The following IDI1 variants were observed in gnomAD, a reference collection of about 807,000 sequenced individuals.
IDI1 encodes isopentenyl-diphosphate Delta-isomerase 1.
IDI1 carries 23 observed loss-of-function variants against 32.9 expected under a neutral mutation model. The ratio of observed to expected loss-of-function variants is 0.70; its 90% CI spans 0.50 to 0.99. The LOEUF is 0.99. IDI1 is among the 50% of genes least tolerant of loss of function. The pLI, the probability that IDI1 is intolerant of heterozygous loss-of-function variation, is 0.00. For synonymous variants in IDI1, 133 were observed against 128.2 expected (o/e 1.04, Z -0.25); for missense variants, 326 against 351.9 (o/e 0.93, Z 0.59).
chr10:1,049,463 T>C (rs974706722), upstream of IDI1: 98 of 74,402 alleles, frequency 1.3e-3, no homozygotes, highest in Middle Eastern at 8.8e-3. Flanking sequence ...GGTTGGGCAC[T>C]CCCCCCCCTC....
Position 1,041,417 on chromosome 10 carries a change from T to C in IDI1, c.625A>G (p.Ile209Val), listed in dbSNP as rs770336567. Reference sequence around the variant, plus strand: ...GTTACATTCTTCCTCACCAACAAAATGTAATCAATTTCATGTTCACCCCAG... The same window carrying C: ...GTTACATTCTTCCTCACCAACAAAACGTAATCAATTTCATGTTCACCCCAG... ...GIWGEHEIDY[I>V]LLVRKNVTLN... Residue 209 changes from isoleucine to valine, a missense_variant, in exon 5 of 5, where the codon ATT becomes GTT. By Grantham distance (29) the Ile-to-Val change is conservative. This residue lies in a region of IDI1 where 205 missense variants were observed against 273.5 expected (regional missense o/e 0.75). Coordinates refer to ENST00000381344, the MANE Select transcript of IDI1 (RefSeq NM_004508.4). The C allele has an allele frequency of 1.2e-6, 2 of 1,611,266 alleles. No homozygotes were observed. The highest frequency in any genetic ancestry group is 1.7e-6 in the Non-Finnish European group (2 of 1,177,626).
chr10:1,045,340 T>G (rs1832769519), intron 1 of IDI1, among the ~76,000 whole-genome samples: 1 of 152,256 alleles, frequency 6.6e-6, no homozygotes, highest in African/African-American at 2.4e-5. Context: ...TTATTCCCTT[T>G]TTTCTTCTCC....
rs1313110786 is a variant in IDI1 at position 1,048,995 on chromosome 10, A to C, written c.9T>G (p.Arg3=). 7 of 1,506,246 alleles carry C rather than the reference A, an allele frequency of 4.6e-6. No homozygotes were observed. Among genetic ancestry groups the C allele is most frequent in the East Asian group, 2.6e-5 (1 of 39,038 alleles). The allele number at this position is 1,506,246 out of a possible 1,614,324, so 93.3% of individuals were successfully genotyped here. ...CAATCGCTCGCGCCAGCGCCAGTCC[A>C]CGCCACATCGCCCGGCCAATTGGCG... The part of the protein sequence containing the change: MW[R]GLALARAIGC... Residue 3 remains arginine (R), a synonymous_variant, in exon 1 of 5, where the codon CGT becomes CGG. Transcript: ENST00000381344.
In IDI1 at chr10:1,041,451, A is replaced by T; in HGVS notation, c.591T>A (p.Ser197=). ...TTTCATGTTCACCCCAGATACCATC[A>T]GACTGAGCTTTGTAGTGAATTCGTG... ...YLTRIHYKAQ[S]DGIWGEHEID... Residue 197 remains serine, a synonymous_variant, in exon 5 of 5, where the codon TCT becomes TCA. Transcript: ENST00000381344. The T allele has an allele frequency of 6.2e-7, 1 of 1,609,726 alleles. No individual in the cohort carries two copies. The highest frequency in any genetic ancestry group is 8.5e-7 in the Non-Finnish European group (1 of 1,176,678).
chr10:1,049,085 T>A lies in IDI1; in HGVS notation c.-82A>T. 7.1e-7 allele frequency: 1 copy of A among 1,414,300 alleles called. No homozygotes were observed. The highest frequency in any genetic ancestry group is 9.2e-7 in the Non-Finnish European group (1 of 1,091,660). 87.6% of individuals were successfully genotyped at this position (1,414,300 alleles called of 1,614,324 possible). Reference sequence around the variant, plus strand: ...CTGGTGGTGCCACCTCCCTGGCCTGTGACAACGGCAGACGCGCGAAGCACC... The same window carrying A: ...CTGGTGGTGCCACCTCCCTGGCCTGAGACAACGGCAGACGCGCGAAGCACC... On this transcript the variant is annotated 5_prime_UTR_variant, in exon 1 of 5. Coordinates refer to ENST00000381344, the MANE Select transcript of IDI1 (RefSeq NM_004508.4).
intron 4 of IDI1, among the ~76,000 whole-genome samples, chr10:1,041,830 C>T (rs1439604954): frequency 7.1e-6 from 1 of 140,074 alleles, no homozygotes; most frequent in Non-Finnish European, 1.5e-5. Context: ...TTTTGTGAGA[C>T]GGAGTCTTGC....
upstream of IDI1, among the ~76,000 whole-genome samples, chr10:1,051,226 C>G (rs1589060347): frequency 2.6e-5 from 4 of 152,292 alleles, no homozygotes; most frequent in Admixed American, 2.6e-4. Context: ...GTTAATATCA[C>G]TAGTAATCTC....
chr10:1,053,644 T>TA (rs1833070079), upstream of IDI1, among the ~76,000 whole-genome samples: 1 of 152,268 alleles, frequency 6.6e-6, no homozygotes. Context: ...GCTTAATCAT[T>TA]AATCATTTCT....
chr10:1,048,170 T>C (rs1832857564), intron 1 of IDI1: 6 of 1,154,274 alleles, frequency 5.2e-6, no homozygotes, highest in Non-Finnish European at 7.0e-6. Context: ...TAATGACAAT[T>C]GCTCTTTCAG....
At chr10:1,048,142 TGCACCACC>T in intron 1 of IDI1, 1 of 903,048 alleles carries the variant, frequency 1.1e-6, no homozygotes, top group Non-Finnish European at 1.6e-6. Context: ...ATTAAAGGCG[TGCACCACC>T]GCCCAGCTGT....
chr10:1,041,972 C>T (rs1478441756), intron 4 of IDI1, among the ~76,000 whole-genome samples: 1 of 151,854 alleles, frequency 6.6e-6, no homozygotes, highest in Non-Finnish European at 1.5e-5. Context: ...CCATGCCCAG[C>T]TAGTTTTTGT....
In IDI1 at chr10:1,045,449, A is replaced by G. The variant is rs1260554562; in HGVS notation, c.141-1278T>C. Among the ~76,000 whole-genome samples the G allele has an allele frequency of 5.3e-5, 8 of 152,290 alleles. No homozygotes were observed. In the East Asian group the frequency reaches 1.5e-3, roughly 29 times the overall value. ...CTACTTTCTATGTGACTCTATTTCA[A>G]ATACATAGATTTTACTGAAATACTT... On this transcript the variant is annotated intron_variant, in intron 1 of 4. Transcript: ENST00000381344.
intron 1 of IDI1, chr10:1,048,261 T>C (rs1474451387): frequency 7.7e-7 from 1 of 1,304,150 alleles, no homozygotes; most frequent in East Asian, 5.5e-5. Context: ...GTTTAAAGAA[T>C]ACCATGTAGT....
At chr10:1,042,527 G>T in intron 4 of IDI1, 105 bp downstream of exon 4, 1 of 1,093,892 alleles carries the variant, frequency 9.1e-7, no homozygotes, top group Non-Finnish European at 1.4e-6. Context: ...TAACTCCGGA[G>T]GTTACCAAGC....
chr10:1,045,249 A>G (rs561043126), intron 1 of IDI1, among the ~76,000 whole-genome samples: 3 of 152,354 alleles, frequency 2.0e-5, no homozygotes, highest in South Asian at 2.1e-4. Flanking sequence ...ACACTTTTAC[A>G]TATCTGTATC....
At chr10:1,048,232 T>C (rs1832859247) in intron 1 of IDI1, 2 of 1,301,398 alleles carry the variant, frequency 1.5e-6, no homozygotes, top group Non-Finnish European at 2.0e-6. Context: ...CAAGATAAAA[T>C]GAATACGTCT....
At chr10:1,049,514 T>C (rs541365497), upstream of IDI1, 404 of 147,562 alleles carry the variant, frequency 2.7e-3, no homozygotes, top group Non-Finnish European at 4.1e-3. Flanking sequence ...AGCGTTTGGC[T>C]GCACGGGGAG....
At chr10:1,043,650 A>C (rs1190974293) in intron 2 of IDI1, 2 of 649,986 alleles carry the variant, frequency 3.1e-6, no homozygotes, top group Middle Eastern at 2.4e-4. Context: ...AAGGACATTC[A>C]GTTCTCGGAA....
intron 1 of IDI1, among the ~76,000 whole-genome samples, chr10:1,045,218 G>T (rs1381735274): frequency 1.3e-5 from 2 of 152,202 alleles, no homozygotes; most frequent in African/African-American, 4.8e-5. Flanking sequence ...ACTTATTAGG[G>T]TACTTTCAGT....
Sources: allele counts gnomAD v4.1 joint callset (sites outside exome capture counted in the v4.1 genomes callset), GRCh38; gene constraint gnomAD v4.1.1; regional missense constraint gnomAD v4.1.1; transcripts MANE v1.5; gene names NCBI Gene and HGNC (gene_info 2026-07-23, HGNC 2026-07-21).